Variants in PCDHA6 observed in about 807,000 individuals in gnomAD.
The protein encoded by PCDHA6 is protocadherin alpha-6.
In PCDHA6, 55 loss-of-function variants were observed where a neutral mutation model predicts 60.3. That is an observed-to-expected ratio of 0.91 (90% confidence interval 0.73 to 1.14). The LOEUF (loss-of-function observed/expected upper bound fraction) is 1.14, where lower values mean the gene tolerates loss of function less well. PCDHA6 is among the 50% of genes most tolerant of loss of function. The pLI is 0.00. For synonymous variants in PCDHA6, 652 were observed against 557.9 expected, an observed-to-expected ratio of 1.17 and a Z score of -2.38; for missense variants, 1,327 against 1,256.5, an observed-to-expected ratio of 1.06 and a Z score of -0.85.
Position 140,969,604 on chromosome 5 carries a change from AAC to A in PCDHA6, c.2395-9341_2395-9340del. 5.2e-6 allele frequency: 4 copies of A among 765,156 alleles called. No homozygotes were observed. The South Asian group carries it at 6.3e-5, about 12-fold the overall frequency. 47.4% of individuals were successfully genotyped at this position (765,156 alleles called of 1,614,324 possible). A position where few individuals can be genotyped will look rare whatever the true frequency, so the allele number is the denominator to read the frequency against. On this transcript the variant is annotated intron_variant, in intron 1 of 3. Transcript: ENST00000529310. Reference sequence around the variant, plus strand: ...GATTAGTCTTAATATTTAATGCTAAAACACAGATTTGTAGAGAAACAGGACAG... The same window carrying A: ...GATTAGTCTTAATATTTAATGCTAAAACAGATTTGTAGAGAAACAGGACAG...
In PCDHA6 at chr5:140,828,513, T is replaced by C. The variant is rs1769799760; in HGVS notation, c.422T>C (p.Leu141Pro). ...TTCCCGGTAGAGGAACAAAGAGTGC[T>C]GATTTACGAATCTAGGCTGCCAGAT... ...PLFPVEEQRV[L>P]IYESRLPDSV... is the part of the protein sequence containing the mutation. Residue 141 changes from leucine (L) to proline (P), a missense_variant, in exon 1 of 4, where the codon CTG becomes CCG. Transcript: ENST00000529310. 1.2e-6 allele frequency: 2 copies of C among 1,614,200 alleles called. No homozygotes were observed. The highest frequency in any genetic ancestry group is 1.7e-6 in the Non-Finnish European group (2 of 1,180,032).
intron 1 of PCDHA6, chr5:140,850,687 A>T: frequency 6.3e-7 from 1 of 1,597,792 alleles, no homozygotes. Context: ...ACCGAGGGCG[A>T]GTGCGCGCCT....
At position 140,835,306 on chromosome 5, in the gene PCDHA6, T is replaced by G; in HGVS notation, c.2394+4821T>G. 1.9e-6 allele frequency: 3 copies of G among 1,612,964 alleles called. No individual in the cohort carries two copies. In the Middle Eastern group the frequency reaches 5.0e-4, roughly 267 times the overall value. ...GGGGCAATCACAGTGATAGGACATA[T>G]GGATTTTGAAGAAAGTAGAGCACAC... On this transcript the variant is annotated intron_variant, in intron 1 of 3. Transcript: ENST00000529310.
At chr5:140,936,875 C>T (rs1052156307) in intron 1 of PCDHA6, among the ~76,000 whole-genome samples, 13 of 151,832 alleles carry the variant, frequency 8.6e-5, no homozygotes, top group Non-Finnish European at 1.5e-5. Flanking sequence ...TTTAAAAAAC[C>T]CTGCTTTGAT....
intron 1 of PCDHA6, chr5:140,835,675 G>T (rs2150241595): frequency 2.5e-6 from 4 of 1,613,918 alleles, no homozygotes; most frequent in Non-Finnish European, 3.4e-6. Flanking sequence ...CGGGACGGGG[G>T]CTCGCCTTCT....
chr5:140,966,188 T>G (rs1454663585), intron 1 of PCDHA6: 7 of 200,348 alleles, frequency 3.5e-5, no homozygotes, highest in Non-Finnish European at 6.9e-5. Context: ...ATAGCCAGAC[T>G]TCTAGGGGCT....
Position 140,842,658 on chromosome 5 carries a change from C to G in PCDHA6, c.2394+12173C>G, listed in dbSNP as rs2150341323. 21 of 1,595,206 alleles carry G rather than the reference C, an allele frequency of 1.3e-5. 2 individuals are homozygous for G. The highest frequency in any genetic ancestry group is 2.7e-5 in the African/African-American group (2 of 74,162). On this transcript the variant is annotated intron_variant, in intron 1 of 3. Transcript: ENST00000529310. ...ACCGCCAGCTTGTCTGTGGAGGTGG[C>G]CGACGTGAACGACAATGCTCCGGCG...
rs782620810 is a variant in PCDHA6, at chr5:140,829,606, G to C, written c.1515G>C (p.Ser505=). ...GGCGGGTGGGCGAGCGCGCGTTGTC[G>C]AGCTACATTTCGGTGCACGCGGAGA... is the stretch of plus-strand genomic sequence containing the variant. ...VERRVGERAL[S]SYISVHAESG... The change falls in exon 1 of 4, where the codon TCG becomes TCC. Residue 505 remains serine (S), a synonymous_variant. Transcript: ENST00000529310. 4.3e-6 allele frequency: 7 copies of C among 1,611,952 alleles called. No homozygotes were observed. The highest frequency in any genetic ancestry group is 2.7e-5 in the African/African-American group (2 of 74,876).
chr5:140,926,830 G>T (rs2083580756), intron 1 of PCDHA6: 2 of 1,503,958 alleles, frequency 1.3e-6, no homozygotes, highest in Non-Finnish European at 1.8e-6. Context: ...CAGGAGTCCG[G>T]AGCATGGTCC....
At chr5:140,850,090 A>G (rs2150466556) in intron 1 of PCDHA6, 1 of 1,596,664 alleles carries the variant, frequency 6.3e-7, no homozygotes, top group Admixed American at 1.7e-5. Context: ...GAGCTGCTAC[A>G]GTTCCAGGTG....
At chr5:140,864,188 T>C (rs1367092956) in intron 1 of PCDHA6, 1 of 152,142 alleles carries the variant, frequency 6.6e-6, no homozygotes, top group Non-Finnish European at 1.5e-5. Flanking sequence ...TGAATAATGA[T>C]CCTTATGAGA....
intron 3 of PCDHA6, among the ~76,000 whole-genome samples, chr5:140,989,362 G>A (rs1264795948): frequency 6.6e-6 from 1 of 152,176 alleles, no homozygotes; most frequent in African/African-American, 2.4e-5. Context: ...GGTCACCTGT[G>A]TGACTGAGAG....
At chr5:140,872,001 AC>A (rs1237580171) in intron 1 of PCDHA6, among the ~76,000 whole-genome samples, 21 of 152,320 alleles carry the variant, frequency 1.4e-4, no homozygotes, top group African/African-American at 5.1e-4. Context: ...GTGGCTATTT[AC>A]AGGTGACCTG....
intron 1 of PCDHA6, among the ~76,000 whole-genome samples, chr5:140,939,244 A>AG: frequency 6.6e-6 from 1 of 152,270 alleles, no homozygotes; most frequent in Admixed American, 6.5e-5. Flanking sequence ...GGAGCAAGGT[A>AG]GCTCTCTGGA....
rs140660802 is a variant in PCDHA6 at position 140,849,759 on chromosome 5, G to C, written c.2394+19274G>C. 47 of 1,598,444 alleles carry C rather than the reference G, an allele frequency of 2.9e-5. 6 individuals are homozygous for C. Among genetic ancestry groups the C allele is most frequent in the Non-Finnish European group, 4.0e-5 (47 of 1,167,970 alleles). ...GGACCGCGAGAGTGTGTCCGCCTAC[G>C]AGCTGGTGGTTACCGCGCGGGACGG... On this transcript the variant is annotated intron_variant, in intron 1 of 3. Coordinates refer to ENST00000529310, the MANE Select transcript of PCDHA6 (RefSeq NM_018909.4).
chr5:140,870,405 G>A (rs1226660080), intron 1 of PCDHA6: 1 of 1,614,248 alleles, frequency 6.2e-7, no homozygotes, highest in Non-Finnish European at 8.5e-7. Flanking sequence ...CGCCTTCTCT[G>A]TGGGCCACGG....
intron 1 of PCDHA6, among the ~76,000 whole-genome samples, chr5:140,905,080 C>G (rs2071583789): frequency 6.6e-6 from 1 of 152,128 alleles, no homozygotes; most frequent in Non-Finnish European, 1.5e-5. Flanking sequence ...GTTGCACTTT[C>G]TTTTGGGTTC....
intron 1 of PCDHA6, chr5:140,967,338 A>G: frequency 3.7e-6 from 6 of 1,607,948 alleles, no homozygotes; most frequent in Non-Finnish European, 4.3e-6. Flanking sequence ...AGCCCCAGCG[A>G]GCACTTCGAG....
rs2150153262 is a variant in PCDHA6, at chr5:140,828,262, G to C, written c.171G>C (p.Ala57=). 6.2e-7 allele frequency: 1 copy of C among 1,614,018 alleles called. No individual in the cohort carries two copies. The highest frequency in any genetic ancestry group is 1.1e-5 in the South Asian group (1 of 91,070). The change falls in exon 1 of 4, where the codon GCG becomes GCC. Residue 57 remains alanine, a synonymous_variant. Coordinates refer to ENST00000529310, the MANE Select transcript of PCDHA6 (RefSeq NM_018909.4). ...CGCAGGACCTGGGGCTGGAGCTGGC[G>C]GAGCTGGTGCCGCGCCTGTTCAGGA... ...RIAQDLGLEL[A]ELVPRLFRMA...
Sources: allele counts gnomAD v4.1 joint callset (sites outside exome capture counted in the v4.1 genomes callset), GRCh38; gene constraint gnomAD v4.1.1; transcripts MANE v1.5; gene names NCBI Gene and HGNC (gene_info 2026-07-23, HGNC 2026-07-21).